UGT2A2: variants seen among roughly 807,000 people sequenced by gnomAD.
The protein encoded by UGT2A2 is UDP glucuronosyltransferase family 2 member A2, also known as UDP-glucuronosyltransferase 2A2.
In UGT2A2, 60 loss-of-function variants were observed where a neutral mutation model predicts 50.7. The ratio of observed to expected loss-of-function variants is 1.18; its 90% CI spans 0.96 to 1.47. The LOEUF (loss-of-function observed/expected upper bound fraction) is 1.47, where lower values mean the gene tolerates loss of function less well. Ranked by LOEUF, UGT2A2 falls within the 40% of genes most tolerant of loss-of-function variation. The probability of loss-of-function intolerance (pLI) is 0.00; values close to 1 mark genes in which losing one functional copy is unlikely to be tolerated. For synonymous variants in UGT2A2, 242 were observed against 214.6 expected (o/e 1.13, Z -1.11); for missense variants, 762 against 634.0 (o/e 1.20, Z -2.17).
chr4:69,596,032 AAG>A (rs1718901283), intron 3 of UGT2A2, among the ~76,000 whole-genome samples: 1 of 152,202 alleles, frequency 6.6e-6, no homozygotes, highest in African/African-American at 2.4e-5. Flanking sequence ...GACTTCAAAA[AAG>A]TATGTGTTTC....
At chr4:69,599,178 T>C in intron 2 of UGT2A2, 68 bp downstream of exon 2, 2 of 1,504,530 alleles carry the variant, frequency 1.3e-6, no homozygotes, top group African/African-American at 2.8e-5. Context: ...ATTGAGGCTA[T>C]AAACTTTAAA....
Position 69,639,598 on chromosome 4 carries a change from G to C in UGT2A2, c.43C>G (p.Gln15Glu). The C allele has an allele frequency of 6.2e-7, 1 of 1,606,656 alleles. No homozygotes were observed. Among genetic ancestry groups the C allele is most frequent in the Non-Finnish European group, 8.5e-7 (1 of 1,177,174 alleles). ...RDFTMPKKFV[Q>E]MLVFNLTLTE... ...AGAGTCAAATTAAAAACCAGCATCT[G>C]GACAAACTTCTTAGGCATGGTAAAA... The change falls in exon 1 of 6, where the codon CAG (glutamine) becomes GAG (glutamate). Residue 15 changes from glutamine (Q) to glutamate (E), a missense_variant. Transcript: ENST00000604629.
At chr4:69,632,660 C>A (rs1431921595) in intron 1 of UGT2A2, among the ~76,000 whole-genome samples, 1 of 151,992 alleles carries the variant, frequency 6.6e-6, no homozygotes, top group Non-Finnish European at 1.5e-5. Flanking sequence ...GAGGCAGAGG[C>A]GGGCAGATCA....
rs1201570761 is a variant in UGT2A2, at chr4:69,606,420, T to G, written c.743-7026A>C. Among the ~76,000 whole-genome samples, 8 of 136,204 alleles carry G rather than the reference T, an allele frequency of 5.9e-5. 2 individuals carry two copies. Among genetic ancestry groups the G allele is most frequent in the Non-Finnish European group, 1.1e-4 (7 of 64,194 alleles). 89.4% of individuals were successfully genotyped at this position (136,204 alleles called of 152,430 possible). A position where few individuals can be genotyped will look rare whatever the true frequency, so the allele number is the denominator to read the frequency against. ...ATAAATTAGGTATTGATGGGATGTA[T>G]CTCAAAATAATAAGAGCTATCTATG... On this transcript the variant is annotated intron_variant, in intron 1 of 5. Coordinates refer to ENST00000604629, the MANE Select transcript of UGT2A2 (RefSeq NM_001105677.2).
rs963294172 is a variant in UGT2A2 at position 69,595,045 on chromosome 4, T to C, written c.1111+117A>G. ...TTATGTAATTATATCTGCTTTAAAA[T>C]TGAGTGTCAAATAACATTTTAAATT... On this transcript the variant is annotated intron_variant, in intron 4 of 5. Coordinates refer to ENST00000604629, the MANE Select transcript of UGT2A2 (RefSeq NM_001105677.2). 43 of 1,371,378 alleles carry C rather than the reference T, an allele frequency of 3.1e-5. No homozygotes were observed. In the East Asian group the frequency reaches 7.5e-4, roughly 24 times the overall value. The allele number at this position is 1,371,378 out of a possible 1,614,324, so 85.0% of individuals were successfully genotyped here.
intron 4 of UGT2A2, 106 bp from the exon 5 acceptor site, chr4:69,594,802 A>T: frequency 7.4e-7 from 1 of 1,343,726 alleles, no homozygotes; most frequent in Admixed American, 2.6e-5. Flanking sequence ...CTAAAGAAGG[A>T]TACGTTTTCT....
At chr4:69,616,970 A>G (rs572813640) in intron 1 of UGT2A2, among the ~76,000 whole-genome samples, 2 of 150,984 alleles carry the variant, frequency 1.3e-5, no homozygotes, top group Admixed American at 1.3e-4. Context: ...TGCTTTTTCC[A>G]CTACTGTTTT....
intron 1 of UGT2A2, among the ~76,000 whole-genome samples, chr4:69,613,978 G>A (rs972775725): frequency 1.3e-5 from 2 of 151,956 alleles, no homozygotes; most frequent in Admixed American, 6.6e-5. Flanking sequence ...CCTAGCCAGA[G>A]CAATTAGACG....
intron 1 of UGT2A2, among the ~76,000 whole-genome samples, chr4:69,614,912 T>A (rs940624603): frequency 3.3e-5 from 5 of 151,946 alleles, no homozygotes; most frequent in African/African-American, 9.7e-5. Flanking sequence ...CTCAGACAAC[T>A]TACAATTGTG....
intron 1 of UGT2A2, among the ~76,000 whole-genome samples, chr4:69,616,318 G>A (rs1017438622): frequency 1.3e-5 from 2 of 151,884 alleles, no homozygotes; most frequent in African/African-American, 4.8e-5. Flanking sequence ...GTGTTTGATA[G>A]CACAATAGGA....
rs755024069 is a variant in UGT2A2, at chr4:69,589,377, C to G, written c.1606G>C (p.Glu536Gln). ...TATTTCCTCTTTTTCTTGACCTATT[C>G]TCTTTTTTTCTTCTTTCCTATCTTA... ...FGKIGKKKKR[E>Q] The change falls in exon 6 of 6, where the codon GAA becomes CAA. Residue 536 changes from glutamate (E) to glutamine (Q), a missense_variant. Coordinates refer to ENST00000604629, the MANE Select transcript of UGT2A2 (RefSeq NM_001105677.2). The G allele has an allele frequency of 1.2e-6, 2 of 1,610,188 alleles. No individual in the cohort carries two copies. The highest frequency in any genetic ancestry group is 1.1e-5 in the South Asian group (1 of 90,668).
intron 1 of UGT2A2, among the ~76,000 whole-genome samples, chr4:69,625,399 A>G (rs1168442926): frequency 1.3e-5 from 2 of 151,034 alleles, no homozygotes; most frequent in African/African-American, 4.8e-5. Flanking sequence ...TTCCTTTAGG[A>G]TATTGAAATA....
intron 1 of UGT2A2, among the ~76,000 whole-genome samples, chr4:69,633,912 A>G (rs924817977): frequency 6.6e-6 from 1 of 152,088 alleles, no homozygotes; most frequent in African/African-American, 2.4e-5. Context: ...AATGAGCTAT[A>G]AAGTTTAGGA....
chr4:69,638,929 C>T lies in UGT2A2; in HGVS notation c.712G>A (p.Glu238Lys). ...ATTTTGCTATAGTATGAATTCCATT[C>T]TCCCCAGTAGGACTGAAATATATAG... is the stretch of plus-strand genomic sequence containing the variant. ...QDYIFQSYWG[E>K]WNSYYSKILG... Residue 238 changes from glutamate to lysine, a missense_variant, in exon 1 of 6, where the codon GAA becomes AAA. Transcript: ENST00000604629. 1 of 1,604,644 alleles carries T rather than the reference C, an allele frequency of 6.2e-7. No individual in the cohort carries two copies. The highest frequency in any genetic ancestry group is 8.5e-7 in the Non-Finnish European group (1 of 1,175,302).
intron 2 of UGT2A2, among the ~76,000 whole-genome samples, chr4:69,597,175 C>A (rs1319811): frequency 0.65 from 98,022 of 151,896 alleles, 31,982 homozygotes; most frequent in East Asian, 0.74. Flanking sequence ...TCCTTTGATT[C>A]ATAGGTCTAA....
chr4:69,608,950 C>CT (rs1163482787), intron 1 of UGT2A2, among the ~76,000 whole-genome samples: 1 of 151,942 alleles, frequency 6.6e-6, no homozygotes, highest in African/African-American at 2.4e-5. Flanking sequence ...CATAAAAATC[C>CT]TTTTTTTAAT....
chr4:69,627,998 CT>C (rs1322609232), intron 1 of UGT2A2, among the ~76,000 whole-genome samples: 1 of 151,878 alleles, frequency 6.6e-6, no homozygotes, highest in Non-Finnish European at 1.5e-5. Flanking sequence ...GTCTCTTTTG[CT>C]GGCCAGAAGC....
chr4:69,632,170 A>G (rs369265355), intron 1 of UGT2A2, among the ~76,000 whole-genome samples: 9 of 152,214 alleles, frequency 5.9e-5, no homozygotes, highest in African/African-American at 2.2e-4. Context: ...CATTCACAGC[A>G]ATTTTTAAAA....
chr4:69,591,387 T>C (rs1397670001), intron 5 of UGT2A2, among the ~76,000 whole-genome samples: 1 of 152,152 alleles, frequency 6.6e-6, no homozygotes, highest in Non-Finnish European at 1.5e-5. Context: ...AATTTAAACA[T>C]ATTCTGGTTG....
Sources: allele counts gnomAD v4.1 joint callset (sites outside exome capture counted in the v4.1 genomes callset), GRCh38; gene constraint gnomAD v4.1.1; transcripts MANE v1.5; gene names NCBI Gene and HGNC (gene_info 2026-07-23, HGNC 2026-07-21).